The following FNDC3B variants were observed in gnomAD, a reference collection of about 807,000 sequenced individuals.
The protein encoded by FNDC3B is fibronectin type III domain-containing protein 3B.
A neutral mutation model predicts 151.5 loss-of-function variants in FNDC3B; 12 were observed. The observed-to-expected ratio is 0.08, with a 90% CI of 0.05 to 0.13. The LOEUF is 0.13. FNDC3B is among the 10% of genes least tolerant of loss of function. FNDC3B has a pLI of 1.00. For missense variants in FNDC3B, 1,214 were observed against 1,505.3 expected, an observed-to-expected ratio of 0.81 and a Z score of 3.20; for synonymous variants, 528 against 549.0, an observed-to-expected ratio of 0.96 and a Z score of 0.54.
At chr3:172,096,514 C>T (rs1022603242) in intron 1 of FNDC3B, among the ~76,000 whole-genome samples, 1 of 152,108 alleles carries the variant, frequency 6.6e-6, no homozygotes, top group African/African-American at 2.4e-5. Context: ...CATCTTTCTG[C>T]CAGAGTCCAG....
chr3:172,330,827 A>C, intron 13 of FNDC3B, 112 bp downstream of exon 13: 1 of 779,018 alleles, frequency 1.3e-6, no homozygotes, highest in Non-Finnish European at 2.0e-6. Flanking sequence ...CAAACTCTTA[A>C]TTTCTGCCTC....
At chr3:172,282,508 GT>G in intron 6 of FNDC3B, among the ~76,000 whole-genome samples, 1 of 152,172 alleles carries the variant, frequency 6.6e-6, no homozygotes, top group East Asian at 1.9e-4. Flanking sequence ...AGAATCCTTT[GT>G]TTATTTGGCC....
chr3:172,399,889 T>C lies in FNDC3B; in HGVS notation c.*2414T>C, dbSNP rs1736490777. ...GGCCAAAATTTATATGAATATTTGATCTTCTTGAGATTTTCATACTATCAT... is the reference window on the plus strand; with the variant it reads ...GGCCAAAATTTATATGAATATTTGACCTTCTTGAGATTTTCATACTATCAT... On this transcript the variant is annotated 3_prime_UTR_variant, in exon 26 of 26. Coordinates refer to ENST00000415807, the MANE Select transcript of FNDC3B (RefSeq NM_022763.4). 1 of 152,642 alleles carries C rather than the reference T, an allele frequency of 6.6e-6. No homozygotes were observed. The highest frequency in any genetic ancestry group is 1.5e-5 in the Non-Finnish European group (1 of 68,040). 9.5% of individuals were successfully genotyped at this position (152,642 alleles called of 1,614,324 possible). A position where few individuals can be genotyped will look rare whatever the true frequency, so the allele number is the denominator to read the frequency against.
intron 23 of FNDC3B, among the ~76,000 whole-genome samples, chr3:172,364,684 A>C (rs1454843738): frequency 1.3e-5 from 2 of 152,238 alleles, no homozygotes; most frequent in African/African-American, 4.8e-5. Flanking sequence ...TTTCCAAATG[A>C]GGTTCCTGGC....
intron 6 of FNDC3B, among the ~76,000 whole-genome samples, chr3:172,257,117 G>T (rs1199419201): frequency 6.6e-6 from 1 of 152,040 alleles, no homozygotes; most frequent in Non-Finnish European, 1.5e-5. Flanking sequence ...CGCCATGATG[G>T]CCAGGCTGGT....
intron 4 of FNDC3B, among the ~76,000 whole-genome samples, chr3:172,242,668 A>G (rs1378425275): frequency 6.6e-6 from 1 of 151,990 alleles, no homozygotes; most frequent in South Asian, 2.1e-4. Flanking sequence ...CCACACAACC[A>G]TTTTATCCTC....
chr3:172,364,893 T>C (rs1382096150), intron 23 of FNDC3B, among the ~76,000 whole-genome samples: 4 of 152,244 alleles, frequency 2.6e-5, no homozygotes, highest in Non-Finnish European at 5.9e-5. Flanking sequence ...AAATTTATCT[T>C]TTTAAATTAG....
At chr3:172,164,273 T>A (rs1454330569) in intron 3 of FNDC3B, among the ~76,000 whole-genome samples, 1 of 152,230 alleles carries the variant, frequency 6.6e-6, no homozygotes, top group African/African-American at 2.4e-5. Flanking sequence ...TTTACCAACT[T>A]GATATGCTAC....
At chr3:172,191,101 C>T (rs1724488328) in intron 3 of FNDC3B, among the ~76,000 whole-genome samples, 1 of 152,188 alleles carries the variant, frequency 6.6e-6, no homozygotes, top group Non-Finnish European at 1.5e-5. Flanking sequence ...AACCAACCCT[C>T]CTTATGTTCC....
intron 3 of FNDC3B, among the ~76,000 whole-genome samples, chr3:172,223,723 T>C (rs1037678878): frequency 1.3e-5 from 2 of 152,242 alleles, no homozygotes; most frequent in African/African-American, 4.8e-5. Context: ...AAGTGTATAC[T>C]TGTTGATTTT....
chr3:172,089,942 T>C (rs1718729308), intron 1 of FNDC3B, among the ~76,000 whole-genome samples: 1 of 152,230 alleles, frequency 6.6e-6, no homozygotes, highest in African/African-American at 2.4e-5. Context: ...ACATATATAA[T>C]TCATTTGTAT....
At chr3:172,321,852 C>G (rs1345864888) in intron 11 of FNDC3B, 2 of 160,506 alleles carry the variant, frequency 1.2e-5, no homozygotes, top group East Asian at 3.6e-4. Context: ...CCTCGGCCTC[C>G]CAAAGTGCCG....
At chr3:172,282,944 C>T (rs968279924) in intron 6 of FNDC3B, among the ~76,000 whole-genome samples, 6 of 152,188 alleles carry the variant, frequency 3.9e-5, no homozygotes, top group Admixed American at 2.0e-4. Flanking sequence ...TGCCCAGCAC[C>T]GGAGGTGAGA....
At chr3:172,155,129 A>C (rs1722420464) in intron 3 of FNDC3B, among the ~76,000 whole-genome samples, 1 of 152,230 alleles carries the variant, frequency 6.6e-6, no homozygotes, top group Admixed American at 6.5e-5. Context: ...GAAAATTACC[A>C]AGAGAACTTA....
At chr3:172,179,858 CA>C (rs60259015) in intron 3 of FNDC3B, among the ~76,000 whole-genome samples, 160 of 97,754 alleles carry the variant, frequency 1.6e-3, no homozygotes, top group African/African-American at 3.1e-3. Flanking sequence ...GCCCTGTCTC[CA>C]AAAAAAAAAA....
At position 172,112,476 on chromosome 3, in the gene FNDC3B, A is replaced by G. The variant is rs752406724; in HGVS notation, c.-4A>G. On this transcript the variant is annotated 5_prime_UTR_variant, in exon 2 of 26. An upstream start codon of the reference 5' UTR is lost. Transcript: ENST00000415807. ...GGAAGCCAGTTGAGGGAAGTTCTCC[A>G]TGAATGTACGTCACAATGATGATGA... 2.2e-5 allele frequency: 35 copies of G among 1,610,300 alleles called. No homozygotes were observed. The highest frequency in any genetic ancestry group is 2.0e-4 in the Admixed American group (12 of 60,002).
chr3:172,369,437 T>A, intron 23 of FNDC3B, among the ~76,000 whole-genome samples: 1 of 152,172 alleles, frequency 6.6e-6, no homozygotes, highest in Non-Finnish European at 1.5e-5. Context: ...TCCATTTTAA[T>A]ACATTAATGT....
intron 11 of FNDC3B, among the ~76,000 whole-genome samples, chr3:172,328,221 T>A (rs1252511369): frequency 4.6e-5 from 7 of 152,238 alleles, no homozygotes. Context: ...TTAGAGTGAC[T>A]GTAATATACA....
Position 172,344,272 on chromosome 3 carries a change from C to T in FNDC3B, c.2250+14C>T, listed in dbSNP as rs1733497602. On this transcript the variant is annotated intron_variant, in intron 19 of 25. Coordinates refer to ENST00000415807, the MANE Select transcript of FNDC3B (RefSeq NM_022763.4). ...AATGATGGAGGGGTGAGTATAAGCC[C>T]ATACACCATAACCAGAATCAGAATG... 6.3e-7 allele frequency: 1 copy of T among 1,599,822 alleles called. No homozygotes were observed. Among genetic ancestry groups the T allele is most frequent in the South Asian group, 1.1e-5 (1 of 89,626 alleles).
Sources: allele counts gnomAD v4.1 joint callset (sites outside exome capture counted in the v4.1 genomes callset), GRCh38; gene constraint gnomAD v4.1.1; transcripts MANE v1.5; gene names NCBI Gene and HGNC (gene_info 2026-07-23, HGNC 2026-07-21).